The following KLHL31 variants were observed in gnomAD, a reference collection of about 807,000 sequenced individuals.
KLHL31 encodes kelch-like protein 31.
KLHL31 carries 32 observed loss-of-function variants against 47.1 expected under a neutral mutation model. That is an observed-to-expected ratio of 0.68 (90% confidence interval 0.51 to 0.91). The LOEUF is 0.91. Ranked by LOEUF, KLHL31 falls within the 40% of genes least tolerant of loss-of-function variation. KLHL31 has a pLI of 0.00. For missense variants in KLHL31, 797 were observed against 819.3 expected (o/e 0.97, Z 0.33); for synonymous variants, 330 against 325.1 (o/e 1.01, Z -0.16).
rs770477662 is a variant in KLHL31, at chr6:53,654,742, A to G, written c.531T>C (p.Asn177=). 2.4e-5 allele frequency: 39 copies of G among 1,614,092 alleles called. No homozygotes were observed. Among genetic ancestry groups the G allele is most frequent in the Middle Eastern group, 1.6e-4 (1 of 6,084 alleles). The change falls in exon 2 of 3, where the codon AAT becomes AAC. Residue 177 remains asparagine (N), a synonymous_variant. Transcript: ENST00000370905. ...MSVENCMYVV[N]IAETYSLKNA... is the part of the protein sequence containing the mutation. Reference sequence around the variant, plus strand: ...TTTTTAGGGAGTATGTTTCAGCAATATTAACAACATACATGCAATTCTCAA... The same window carrying G: ...TTTTTAGGGAGTATGTTTCAGCAATGTTAACAACATACATGCAATTCTCAA...
rs533983995 is a variant in KLHL31, at chr6:53,654,408, C to T, written c.865G>A (p.Val289Ile). 14 of 1,614,178 alleles carry T rather than the reference C, an allele frequency of 8.7e-6. No homozygotes were observed. Among genetic ancestry groups the T allele is most frequent in the Admixed American group, 1.7e-5 (1 of 60,018 alleles). Residue 289 changes from valine to isoleucine, a missense_variant, in exon 2 of 3, where the codon GTA becomes ATA. By Grantham distance (29) the Val-to-Ile change is conservative. Transcript: ENST00000370905. ...MQDADCHRLL[V>I]DAMNYHLLPY... is the part of the protein sequence containing the mutation. ...AGCAAGTGGTAGTTCATAGCATCTACGAGAAGTCTGTGACAATCAGCATCT... is the reference window on the plus strand; with the variant it reads ...AGCAAGTGGTAGTTCATAGCATCTATGAGAAGTCTGTGACAATCAGCATCT...
In KLHL31 at chr6:53,651,769, C is replaced by T. The variant is rs1764470961; in HGVS notation, c.1734G>A (p.Lys578=). 6.2e-7 allele frequency: 1 copy of T among 1,613,928 alleles called. No individual in the cohort carries two copies. The highest frequency in any genetic ancestry group is 1.7e-5 in the Admixed American group (1 of 60,010). Residue 578 remains lysine, a synonymous_variant, in exon 3 of 3, where the codon AAG becomes AAA. Transcript: ENST00000370905. ...AGCACTGGATGCACTTCTTGTACTT[C>T]TTCTCGCCCTCGTTCCAGCCCCCCA... is the stretch of plus-strand genomic sequence containing the variant. ...YLVGGWNEGE[K]KYKKCIQCFS...
rs763515086 is a variant in KLHL31 at position 53,652,039 on chromosome 6, C to T, written c.1464G>A (p.Pro488=). The T allele has an allele frequency of 1.1e-5, 17 of 1,592,940 alleles. No individual in the cohort carries two copies. The highest frequency in any genetic ancestry group is 6.0e-6 in the Non-Finnish European group (7 of 1,175,612). ...GCAGCTCCTGCCACGAGTCGCTGGCCGGGTCGTAGGCGCACACAGAGCGCG... is the reference window on the plus strand; with the variant it reads ...GCAGCTCCTGCCACGAGTCGCTGGCTGGGTCGTAGGCGCACACAGAGCGCG... ...AYSRSVCAYD[P]ASDSWQELPN... Residue 488 remains proline, a synonymous_variant, in exon 3 of 3, where the codon CCG becomes CCA. Coordinates refer to ENST00000370905, the MANE Select transcript of KLHL31 (RefSeq NM_001003760.5).
chr6:53,655,287 T>C lies in KLHL31; in HGVS notation c.-15A>G. On this transcript the variant is annotated 5_prime_UTR_variant, in exon 2 of 3. Coordinates refer to ENST00000370905, the MANE Select transcript of KLHL31 (RefSeq NM_001003760.5). ...TTGGGTGCCATGTTGGCAAATACAC[T>C]GTTACAGGCAAGAGCTTGCTAAAAA... The C allele has an allele frequency of 1.3e-6, 2 of 1,512,254 alleles. No homozygotes were observed. The highest frequency in any genetic ancestry group is 8.9e-7 in the Non-Finnish European group (1 of 1,128,026). 93.7% of individuals were successfully genotyped at this position (1,512,254 alleles called of 1,614,324 possible).
Position 53,654,532 on chromosome 6 carries a change from T to C in KLHL31, c.741A>G (p.Arg247=). 1.2e-6 allele frequency: 2 copies of C among 1,614,204 alleles called. No homozygotes were observed. The highest frequency in any genetic ancestry group is 1.7e-6 in the Non-Finnish European group (2 of 1,180,030). The change falls in exon 2 of 3, where the codon AGA becomes AGG. Residue 247 remains arginine, a synonymous_variant. Coordinates refer to ENST00000370905, the MANE Select transcript of KLHL31 (RefSeq NM_001003760.5). ...TCAAAAGATCTGCAGCGTATTTTACTCTCTTTTGGTCAAATTCTAACCATT... is the reference window on the plus strand; with the variant it reads ...TCAAAAGATCTGCAGCGTATTTTACCCTCTTTTGGTCAAATTCTAACCATT... The part of the protein sequence containing the change: ...AMKWLEFDQK[R]VKYAADLLSN...
Position 53,654,891 on chromosome 6 carries a change from C to T in KLHL31, c.382G>A (p.Ala128Thr). 1 of 1,614,150 alleles carries T rather than the reference C, an allele frequency of 6.2e-7. No homozygotes were observed. Among genetic ancestry groups the T allele is most frequent in the Non-Finnish European group, 8.5e-7 (1 of 1,180,012 alleles). ...PLGLATVIAY[A>T]YTGKLTLSLY... ...GAGAGAGTGAGCTTTCCAGTGTAGG[C>T]ATATGCAATGACAGTGGCCAGGCCT... The change falls in exon 2 of 3, where the codon GCC (alanine) becomes ACC (threonine). Residue 128 changes from alanine to threonine, a missense_variant. Physicochemically the swap from Ala to Thr is moderately conservative, Grantham distance 58 (BLOSUM62 0). Coordinates refer to ENST00000370905, the MANE Select transcript of KLHL31 (RefSeq NM_001003760.5).
At chr6:53,660,931 T>C (rs1047022755) in intron 1 of KLHL31, among the ~76,000 whole-genome samples, 2 of 152,236 alleles carry the variant, frequency 1.3e-5, no homozygotes, top group South Asian at 4.1e-4. Flanking sequence ...TGATATCTCA[T>C]TGCCGGGTCT....
rs1764428869 is a variant in KLHL31, at chr6:53,648,817, G to T, written c.*2781C>A. 1 of 152,112 alleles carries T rather than the reference G, an allele frequency of 6.6e-6. No individual in the cohort carries two copies. Among genetic ancestry groups the T allele is most frequent in the Admixed American group, 6.5e-5 (1 of 15,278 alleles). The allele number at this position is 152,112 out of a possible 1,614,324, so 9.4% of individuals were successfully genotyped here. A position where few individuals can be genotyped will look rare whatever the true frequency, so the allele number is the denominator to read the frequency against. On this transcript the variant is annotated 3_prime_UTR_variant, in exon 3 of 3. Transcript: ENST00000370905. ...AAATGGACAAAGTATGTTAAAGTTT[G>T]GCTTCCTGGAGACTTTCTCATCAGG...
chr6:53,652,324 A>T lies in KLHL31; in HGVS notation c.1179T>A (p.Asp393Glu). The T allele has an allele frequency of 6.2e-7, 1 of 1,613,752 alleles. No individual in the cohort carries two copies. Residue 393 changes from aspartate (D) to glutamate (E), a missense_variant, in exon 3 of 3, where the codon GAT (aspartate) becomes GAA (glutamate). Coordinates refer to ENST00000370905, the MANE Select transcript of KLHL31 (RefSeq NM_001003760.5). Reference protein sequence around the residue: ...KHAVSNFCRYDPRFNTWIHLA... With the variant: ...KHAVSNFCRYEPRFNTWIHLA... ...GGTGTATCCAGGTGTTGAAGCGGGG[A>T]TCGTATCTGGAAATGATAGAGAAGG... is the stretch of plus-strand genomic sequence containing the variant.
chr6:53,659,106 T>C (rs1764611828), intron 1 of KLHL31, among the ~76,000 whole-genome samples: 1 of 152,184 alleles, frequency 6.6e-6, no homozygotes, highest in Non-Finnish European at 1.5e-5. Context: ...TAGTTGTCTT[T>C]GGGAATAGAG....
chr6:53,654,730 T>C lies in KLHL31; in HGVS notation c.543A>G (p.Thr181=). Residue 181 remains threonine, a synonymous_variant, in exon 2 of 3, where the codon ACA becomes ACG. Transcript: ENST00000370905. ...NCMYVVNIAE[T]YSLKNAKAAA... Reference sequence around the variant, plus strand: ...CTGCTTTTGCATTTTTTAGGGAGTATGTTTCAGCAATATTAACAACATACA... The same window carrying C: ...CTGCTTTTGCATTTTTTAGGGAGTACGTTTCAGCAATATTAACAACATACA... 6.2e-7 allele frequency: 1 copy of C among 1,614,220 alleles called. No individual in the cohort carries two copies. Among genetic ancestry groups the C allele is most frequent in the South Asian group, 1.1e-5 (1 of 91,086 alleles).
chr6:53,651,399 T>TAAAAAAAAAGAAAAAA lies in KLHL31; in HGVS notation c.*198_*199insTTTTTTCTTTTTTTTT. The TAAAAAAAAAGAAAAAA allele has an allele frequency of 3.2e-5, 2 of 63,348 alleles. 1 individual carries two copies. The highest frequency in any genetic ancestry group is 5.6e-5 in the Non-Finnish European group (2 of 35,500). 3.9% of individuals were successfully genotyped at this position (63,348 alleles called of 1,614,324 possible). A position where few individuals can be genotyped will look rare whatever the true frequency, so the allele number is the denominator to read the frequency against. On this transcript the variant is annotated 3_prime_UTR_variant, in exon 3 of 3. Coordinates refer to ENST00000370905, the MANE Select transcript of KLHL31 (RefSeq NM_001003760.5). ...TGTTGGCCATTGCCCTGTATTTTGC[T>TAAAAAAAAAGAAAAAA]AAAAAAAAAAAAAAAAAAAAGAGGT...
At chr6:53,663,586 T>G (rs1002567123) in intron 1 of KLHL31, among the ~76,000 whole-genome samples, 8 of 152,266 alleles carry the variant, frequency 5.3e-5, no homozygotes, top group African/African-American at 1.9e-4. Flanking sequence ...TCTCATATGG[T>G]TCAACTTAGC....
In KLHL31 at chr6:53,649,262, G is replaced by A. The variant is rs139456256; in HGVS notation, c.*2336C>T. 2 of 152,092 alleles carry A rather than the reference G, an allele frequency of 1.3e-5. No homozygotes were observed. The highest frequency in any genetic ancestry group is 6.5e-5 in the Admixed American group (1 of 15,298). 9.4% of individuals were successfully genotyped at this position (152,092 alleles called of 1,614,324 possible). On this transcript the variant is annotated 3_prime_UTR_variant, in exon 3 of 3. Coordinates refer to ENST00000370905, the MANE Select transcript of KLHL31 (RefSeq NM_001003760.5). ...CCGACCCTTACATTCCATACTCCTC[G>A]CCAATGTGTTATGTCAGAAATTCTG... is the stretch of plus-strand genomic sequence containing the variant.
intron 1 of KLHL31, among the ~76,000 whole-genome samples, chr6:53,661,183 C>T (rs1184402559): frequency 1.3e-5 from 2 of 152,210 alleles, no homozygotes; most frequent in Non-Finnish European, 2.9e-5. Context: ...CACTGCTTTT[C>T]TCAACTTAAG....
rs183324633 is a variant in KLHL31, at chr6:53,650,375, T to G, written c.*1223A>C. 6.5e-4 allele frequency: 99 copies of G among 152,332 alleles called. No individual in the cohort carries two copies. The highest frequency in any genetic ancestry group is 2.3e-3 in the African/African-American group (96 of 41,576). 9.4% of individuals were successfully genotyped at this position (152,332 alleles called of 1,614,324 possible). ...ACTTTGATTATAAATCCAAAGCTCA[T>G]TTGGAGCAGATGAGATTAATAAAAA... On this transcript the variant is annotated 3_prime_UTR_variant, in exon 3 of 3. Coordinates refer to ENST00000370905, the MANE Select transcript of KLHL31 (RefSeq NM_001003760.5).
Position 53,654,452 on chromosome 6 carries a change from G to T in KLHL31, c.821C>A (p.Ser274Tyr). 6.2e-7 allele frequency: 1 copy of T among 1,614,166 alleles called. No individual in the cohort carries two copies. The highest frequency in any genetic ancestry group is 8.5e-7 in the Non-Finnish European group (1 of 1,180,004). The change falls in exon 2 of 3, where the codon TCC (serine) becomes TAC (tyrosine). Residue 274 changes from serine (S) to tyrosine (Y), a missense_variant. Ser to Tyr is a moderately radical substitution (Grantham distance 144). Transcript: ENST00000370905. ...SAQDLVNYVQ[S>Y]VPRMMQDADC... Reference sequence around the variant, plus strand: ...AGCATCTTGCATCATTCTTGGTACGGATTGAACATAATTGACCAGGTCTTG... The same window carrying T: ...AGCATCTTGCATCATTCTTGGTACGTATTGAACATAATTGACCAGGTCTTG...
rs1764425226 is a variant in KLHL31, at chr6:53,648,551, GC to G, written c.*3046del. On this transcript the variant is annotated 3_prime_UTR_variant, in exon 3 of 3. Transcript: ENST00000370905. ...GTAAAATACACTTACTACAACTGCT[GC>G]TTTACCTTAAATCATAGAACCATTC... 6.6e-6 allele frequency: 1 copy of G among 152,074 alleles called. No individual in the cohort carries two copies. 9.4% of individuals were successfully genotyped at this position (152,074 alleles called of 1,614,324 possible).
At chr6:53,663,178 T>C (rs1764672394) in intron 1 of KLHL31, among the ~76,000 whole-genome samples, 1 of 152,200 alleles carries the variant, frequency 6.6e-6, no homozygotes, top group South Asian at 2.1e-4. Context: ...TATATTGTCT[T>C]CTTTAAATCC....
Sources: allele counts gnomAD v4.1 joint callset (sites outside exome capture counted in the v4.1 genomes callset), GRCh38; gene constraint gnomAD v4.1.1; transcripts MANE v1.5; gene names NCBI Gene and HGNC (gene_info 2026-07-23, HGNC 2026-07-21).